The following DERL2 variants were observed in gnomAD, a reference collection of about 807,000 sequenced individuals.
DERL2 encodes the protein derlin 2.
In DERL2, 13 loss-of-function variants were observed where a neutral mutation model predicts 32.0. That is an observed-to-expected ratio of 0.41 (90% CI 0.26 to 0.65). The LOEUF (loss-of-function observed/expected upper bound fraction) is 0.65. DERL2 is among the 30% of genes least tolerant of loss of function. DERL2 has a pLI of 0.35. For synonymous variants in DERL2, 111 were observed against 104.7 expected, an observed-to-expected ratio of 1.06 and a Z score of -0.37; for missense variants, 208 against 296.3, an observed-to-expected ratio of 0.70 and a Z score of 2.19.
chr17:5,478,181 T>A (rs529308298), intron 6 of DERL2, among the ~76,000 whole-genome samples: 1 of 151,960 alleles, frequency 6.6e-6, no homozygotes, highest in African/African-American at 2.4e-5. Flanking sequence ...CTGGGCAACA[T>A]AGAGAGACCT....
chr17:5,477,638 G>C (rs1905478523), intron 6 of DERL2, among the ~76,000 whole-genome samples: 2 of 152,156 alleles, frequency 1.3e-5, no homozygotes, highest in African/African-American at 4.8e-5. Flanking sequence ...CAGAATCTAT[G>C]TGGTGGCTAC....
intron 1 of DERL2, 55 bp from the exon 2 acceptor site, chr17:5,485,271 T>A: frequency 3.8e-6 from 5 of 1,322,292 alleles, no homozygotes; most frequent in Non-Finnish European, 5.3e-6. Flanking sequence ...TTTCATCATT[T>A]ACAACAAAGA....
chr17:5,485,803 T>C, intron 1 of DERL2: 1 of 381,882 alleles, frequency 2.6e-6, no homozygotes, highest in Non-Finnish European at 4.7e-6. Context: ...ATTTCTTGGG[T>C]GGGAGGCTCC....
chr17:5,483,713 G>A (rs1489652236), intron 2 of DERL2, among the ~76,000 whole-genome samples: 2 of 152,174 alleles, frequency 1.3e-5, no homozygotes, highest in African/African-American at 4.8e-5. Flanking sequence ...TCCTGACCAA[G>A]GACCCGCAGG....
At chr17:5,478,198 C>G (rs909659394) in intron 6 of DERL2, among the ~76,000 whole-genome samples, 4 of 151,394 alleles carry the variant, frequency 2.6e-5, no homozygotes, top group Admixed American at 1.3e-4. Context: ...ACCTTGTCTC[C>G]ACAAAAAAAA....
chr17:5,479,496 T>TAAAAAAAAAAAAAAAAAAAA (rs11306765), intron 6 of DERL2, among the ~76,000 whole-genome samples: 5 of 69,402 alleles, frequency 7.2e-5, no homozygotes, highest in African/African-American at 1.3e-4. Context: ...AGACTCCATG[T>TAAAAAAAAAAAAAAAAAAAA]AAAAAAAAAA....
At chr17:5,479,971 G>C in intron 6 of DERL2, 83 bp downstream of exon 6, 1 of 827,452 alleles carries the variant, frequency 1.2e-6, no homozygotes, top group Non-Finnish European at 2.0e-6. Flanking sequence ...TGTACTAGGA[G>C]CTAGGGGAGC....
At position 5,481,363 on chromosome 17, in the gene DERL2, T is replaced by A. The variant is rs899119118; in HGVS notation, c.260A>T (p.Glu87Val). 6.2e-7 allele frequency: 1 copy of A among 1,614,058 alleles called. No homozygotes were observed. The highest frequency in any genetic ancestry group is 1.7e-5 in the Admixed American group (1 of 60,026). ...FLYRYCRMLE[E>V]GSFRGRTADF... ...TGCTGTCCGACCTCGGAAAGAGCCT[T>A]CTTCTAGCATTCGACAGTAACGATA... The change falls in exon 4 of 7, where the codon GAA becomes GTA. Residue 87 changes from glutamate to valine, a missense_variant. Transcript: ENST00000158771. The surrounding 1 kb of genome is among the most constrained non-coding windows in gnomAD (Gnocchi z 4.4).
At chr17:5,477,435 G>A (rs1445439157) in intron 6 of DERL2, among the ~76,000 whole-genome samples, 2 of 152,138 alleles carry the variant, frequency 1.3e-5, no homozygotes, top group African/African-American at 4.8e-5. Context: ...ACACAGATGT[G>A]TGCATTTATA....
At position 5,481,231 on chromosome 17, in the gene DERL2, T is replaced by C. The variant is rs1805449; in HGVS notation, c.327+65A>G. 25,219 of 1,164,504 alleles carry C rather than the reference T, an allele frequency of 0.022. 346 individuals carry two copies. Among genetic ancestry groups the C allele is most frequent in the Non-Finnish European group, 0.028 (21,636 of 770,598 alleles). The allele number at this position is 1,164,504 out of a possible 1,614,324, so 72.1% of individuals were successfully genotyped here. A position where few individuals can be genotyped will look rare whatever the true frequency, so the allele number is the denominator to read the frequency against. On this transcript the variant is annotated intron_variant, in intron 4 of 6. Transcript: ENST00000158771. This position sits in a 1 kb window ranked among gnomAD's most constrained non-coding sequence, Gnocchi z 4.4. ...GATCTAGAGAACTGTGGGAGACAGA[T>C]GACAAGCTTTAGGAAGAGCCAGGGT...
chr17:5,478,035 T>C (rs1296403556), intron 6 of DERL2: 1 of 152,156 alleles, frequency 6.6e-6, no homozygotes, highest in Non-Finnish European at 1.5e-5. Flanking sequence ...GCCTGGTATA[T>C]CTTGTTGTGC....
In DERL2 at chr17:5,480,948, A is replaced by G. The variant is rs1597373420; in HGVS notation, c.327+348T>C. 5.6e-5 allele frequency: 29 copies of G among 522,204 alleles called. No individual in the cohort carries two copies. In the East Asian group the frequency reaches 8.9e-4, roughly 16 times the overall value. 32.3% of individuals were successfully genotyped at this position (522,204 alleles called of 1,614,324 possible). A position where few individuals can be genotyped will look rare whatever the true frequency, so the allele number is the denominator to read the frequency against. On this transcript the variant is annotated intron_variant, in intron 4 of 6. Transcript: ENST00000158771. Reference sequence around the variant, plus strand: ...CAAAACCATCTTGTCAGACCGTACCATATCTAAGTCTATTGTATAGATGAA... The same window carrying G: ...CAAAACCATCTTGTCAGACCGTACCGTATCTAAGTCTATTGTATAGATGAA...
chr17:5,485,450 G>A (rs1906138068), intron 1 of DERL2, among the ~76,000 whole-genome samples: 1 of 152,160 alleles, frequency 6.6e-6, no homozygotes, highest in Non-Finnish European at 1.5e-5. Context: ...TGCAATAGTT[G>A]AGGCTGACAT....
intron 4 of DERL2, chr17:5,480,789 G>C: frequency 2.2e-6 from 1 of 459,790 alleles, no homozygotes. Flanking sequence ...GAGATTTACA[G>C]CTACTTCAAA....
Position 5,480,599 on chromosome 17 carries a change from A to C in DERL2, c.328-17T>G. On this transcript the variant is annotated splice_polypyrimidine_tract_variant and intron_variant, in intron 4 of 6. Coordinates refer to ENST00000158771, the MANE Select transcript of DERL2 (RefSeq NM_016041.5). ...ACCAAAAAGCTAGCAGATGGCATTAAGGAAAATATCAACATTAAAAGTTTA... is the reference window on the plus strand; with the variant it reads ...ACCAAAAAGCTAGCAGATGGCATTACGGAAAATATCAACATTAAAAGTTTA... The C allele has an allele frequency of 6.8e-7, 1 of 1,473,916 alleles. No homozygotes were observed. 91.3% of individuals were successfully genotyped at this position (1,473,916 alleles called of 1,614,324 possible).
intron 2 of DERL2, among the ~76,000 whole-genome samples, chr17:5,483,537 A>G (rs1216763133): frequency 2.0e-5 from 3 of 151,970 alleles, no homozygotes; most frequent in Admixed American, 2.0e-4. Context: ...ACATCTCCAC[A>G]CCCACAGTAA....
Position 5,481,461 on chromosome 17 carries a change from A to G in DERL2, c.234-72T>C. 9.8e-7 allele frequency: 1 copy of G among 1,025,318 alleles called. No homozygotes were observed. The highest frequency in any genetic ancestry group is 1.5e-6 in the Non-Finnish European group (1 of 657,060). 63.5% of individuals were successfully genotyped at this position (1,025,318 alleles called of 1,614,324 possible). ...AGTAAAAATTTAATGTTATCTTGTA[A>G]GTACACTTGGATTCCATATTATTTG... On this transcript the variant is annotated intron_variant, in intron 3 of 6. Coordinates refer to ENST00000158771, the MANE Select transcript of DERL2 (RefSeq NM_016041.5). This position sits in a 1 kb window ranked among gnomAD's most constrained non-coding sequence, Gnocchi z 4.4.
chr17:5,480,155 G>A lies in DERL2; in HGVS notation c.524-11C>T. 6.4e-7 allele frequency: 1 copy of A among 1,564,986 alleles called. No homozygotes were observed. On this transcript the variant is annotated splice_polypyrimidine_tract_variant and intron_variant, in intron 5 of 6. Coordinates refer to ENST00000158771, the MANE Select transcript of DERL2 (RefSeq NM_016041.5). ...GTCCAACTGCAATACCTAGAGTCAA[G>A]CAGAAATAAAGGATGAGGGAGAGAA...
chr17:5,474,390 C>T lies in DERL2; in HGVS notation c.*294G>A, dbSNP rs1273822768. On this transcript the variant is annotated 3_prime_UTR_variant, in exon 7 of 7. Coordinates refer to ENST00000158771, the MANE Select transcript of DERL2 (RefSeq NM_016041.5). This position sits in a 1 kb window ranked among gnomAD's most constrained non-coding sequence, Gnocchi z 4.3. ...TCAAGAAGAGGAAGAAAAGGCTCTGCCTTATACCATAAAAATCAAGTACTC... is the reference window on the plus strand; with the variant it reads ...TCAAGAAGAGGAAGAAAAGGCTCTGTCTTATACCATAAAAATCAAGTACTC... The T allele has an allele frequency of 3.8e-6, 1 of 262,400 alleles. No individual in the cohort carries two copies. The highest frequency in any genetic ancestry group is 8.5e-5 in the East Asian group (1 of 11,740). 16.3% of individuals were successfully genotyped at this position (262,400 alleles called of 1,614,324 possible).
Sources: gnomAD v4.1 joint callset for allele counts (sites outside exome capture counted in the v4.1 genomes callset) on GRCh38, gnomAD v4.1.1 for gene constraint, Gnocchi (gnomAD v3.1) non-coding constraint, MANE v1.5 for transcripts, NCBI Gene and HGNC (gene_info 2026-07-23, HGNC 2026-07-21) for gene names.